Variants in RNF144A observed in about 807,000 individuals in gnomAD.
RNF144A encodes ring finger protein 144A.
A neutral mutation model predicts 38.7 loss-of-function variants in RNF144A; 11 were observed. The observed-to-expected ratio is 0.28, with a 90% CI of 0.18 to 0.47. The LOEUF is 0.47. Ranked by LOEUF, RNF144A falls within the 20% of genes least tolerant of loss-of-function variation. The pLI, the probability that RNF144A is intolerant of heterozygous loss-of-function variation, is 0.99. For synonymous variants in RNF144A, 149 were observed against 143.9 expected, an observed-to-expected ratio of 1.04 and a Z score of -0.25; for missense variants, 316 against 377.2, an observed-to-expected ratio of 0.84 and a Z score of 1.34.
rs190683349 is a variant in RNF144A, at chr2:6,974,051, T to G, written c.-11-22865T>G. 2.2e-4 allele frequency among the ~76,000 whole-genome samples: 32 copies of G among 144,622 alleles called. No individual in the cohort carries two copies. In the East Asian group the frequency reaches 5.4e-3, roughly 24 times the overall value. 94.9% of individuals were successfully genotyped at this position (144,622 alleles called of 152,430 possible). A position where few individuals can be genotyped will look rare whatever the true frequency, so the allele number is the denominator to read the frequency against. On this transcript the variant is annotated intron_variant, in intron 2 of 8. Coordinates refer to ENST00000320892, the MANE Select transcript of RNF144A (RefSeq NM_014746.6). ...AAGTGAGACTTCTGGAGGATCTAGA[T>G]TTTTAGGCTATGGCTCATGCTCATT... is the stretch of plus-strand genomic sequence containing the variant.
At chr2:7,069,208 C>T (rs1386139895), downstream of RNF144A, among the ~76,000 whole-genome samples, 1 of 152,196 alleles carries the variant, frequency 6.6e-6, no homozygotes, top group Non-Finnish European at 1.5e-5. Context: ...CTCTGGCCAC[C>T]CTCCCATTGC....
At chr2:6,923,202 A>G (rs1040658924) in intron 1 of RNF144A, among the ~76,000 whole-genome samples, 9 of 152,218 alleles carry the variant, frequency 5.9e-5, no homozygotes, top group African/African-American at 2.2e-4. Context: ...GGTGGTAGGA[A>G]GTGTTCCCTC....
chr2:6,985,815 C>T (rs577300860), intron 2 of RNF144A, among the ~76,000 whole-genome samples: 5 of 152,194 alleles, frequency 3.3e-5, no homozygotes, highest in East Asian at 3.9e-4. Context: ...TGGGACTGCA[C>T]GTGCGCACCA....
Position 7,040,147 on chromosome 2 carries a change from A to G in RNF144A, c.*387A>G, listed in dbSNP as rs1672959083. The G allele has an allele frequency of 3.0e-6, 3 of 999,628 alleles. No homozygotes were observed. The highest frequency in any genetic ancestry group is 3.6e-6 in the Non-Finnish European group (3 of 839,692). 61.9% of individuals were successfully genotyped at this position (999,628 alleles called of 1,614,324 possible). A position where few individuals can be genotyped will look rare whatever the true frequency, so the allele number is the denominator to read the frequency against. On this transcript the variant is annotated 3_prime_UTR_variant, in exon 9 of 9. Coordinates refer to ENST00000320892, the MANE Select transcript of RNF144A (RefSeq NM_014746.6). ...TCAGAGAAGTCTTTTAAGGACTGCC[A>G]CTCTCTTCAGACAGAATCTGATTAT...
rs534565651 is a variant in RNF144A at position 6,930,766 on chromosome 2, A to AT, written c.-211-10174dup. Among the ~76,000 whole-genome samples the AT allele has an allele frequency of 3.7e-3, 556 of 151,304 alleles. 6 individuals carry two copies. The highest frequency in any genetic ancestry group is 0.013 in the African/African-American group (540 of 41,226). ...GCCACCACACCCAGCAAATTTTTAT[A>AT]TTTTTTTTGTAGAGGGGGGGATTTG... On this transcript the variant is annotated intron_variant, in intron 1 of 8. Coordinates refer to ENST00000320892, the MANE Select transcript of RNF144A (RefSeq NM_014746.6).
chr2:6,984,116 C>T (rs551380190), intron 2 of RNF144A, among the ~76,000 whole-genome samples: 1 of 152,254 alleles, frequency 6.6e-6, no homozygotes, highest in African/African-American at 2.4e-5. Flanking sequence ...CCAGCTCCCT[C>T]TCCCTGCCTC....
At chr2:6,988,445 G>T (rs1669093928) in intron 2 of RNF144A, among the ~76,000 whole-genome samples, 1 of 152,214 alleles carries the variant, frequency 6.6e-6, no homozygotes, top group Admixed American at 6.5e-5. Flanking sequence ...TTCCACTGAA[G>T]ACTTTGACAG....
intron 2 of RNF144A, among the ~76,000 whole-genome samples, chr2:6,981,348 A>G (rs1302014453): frequency 6.6e-6 from 1 of 152,064 alleles, no homozygotes; most frequent in African/African-American, 2.4e-5. Flanking sequence ...TTTTTTTAAA[A>G]CATAAGTTTC....
chr2:6,975,944 G>A (rs1668285948), intron 2 of RNF144A, among the ~76,000 whole-genome samples: 1 of 152,234 alleles, frequency 6.6e-6, no homozygotes, highest in Non-Finnish European at 1.5e-5. Flanking sequence ...AACACATTTT[G>A]CAGATCTTTC....
In RNF144A at chr2:6,941,465, G is replaced by A. The variant is rs1383005182; in HGVS notation, c.-12+318G>A. On this transcript the variant is annotated intron_variant, in intron 2 of 8. Coordinates refer to ENST00000320892, the MANE Select transcript of RNF144A (RefSeq NM_014746.6). The surrounding 1 kb of genome is among the most constrained non-coding windows in gnomAD (Gnocchi z 6.5). ...ATTCACTAGAGAACACGTGGATTGA[G>A]CTCCTGCGTGTGCCAGGCACAGCTC... Among the ~76,000 whole-genome samples, 2 of 152,244 alleles carry A rather than the reference G, an allele frequency of 1.3e-5. No individual in the cohort carries two copies. The highest frequency in any genetic ancestry group is 2.9e-5 in the Non-Finnish European group (2 of 68,034).
intron 2 of RNF144A, among the ~76,000 whole-genome samples, chr2:6,950,207 C>T (rs1344611273): frequency 6.6e-6 from 1 of 152,170 alleles, no homozygotes; most frequent in Non-Finnish European, 1.5e-5. Flanking sequence ...CCTGGCATCC[C>T]ACCTTTCCCC....
chr2:6,949,729 C>A (rs1006105379), intron 2 of RNF144A, among the ~76,000 whole-genome samples: 1 of 152,096 alleles, frequency 6.6e-6, no homozygotes, highest in East Asian at 1.9e-4. Context: ...ATTGGATTTT[C>A]GGAATTCATT....
At position 6,962,815 on chromosome 2, in the gene RNF144A, T is replaced by C. The variant is rs1324216313; in HGVS notation, c.-12+21668T>C. On this transcript the variant is annotated intron_variant, in intron 2 of 8. Transcript: ENST00000320892. The surrounding 1 kb of genome is among the most constrained non-coding windows in gnomAD (Gnocchi z 4.1). ...AGCACAGGCATTCATGCACAGAAGG[T>C]CCTCAGTTAATGACTGGCCCAGCCT... 6.6e-6 allele frequency among the ~76,000 whole-genome samples: 1 copy of C among 152,196 alleles called. No homozygotes were observed. Among genetic ancestry groups the C allele is most frequent in the Non-Finnish European group, 1.5e-5 (1 of 68,040 alleles).
At chr2:7,039,480 CTAGATGGGTAGATGGA>C in intron 8 of RNF144A, 133 bp from the exon 9 acceptor site, 2 of 1,367,018 alleles carry the variant, frequency 1.5e-6, no homozygotes, top group Non-Finnish European at 2.0e-6. Flanking sequence ...TAGATGATGA[CTAGATGGGTAGATGGA>C]TGGATGGATA....
intron 1 of RNF144A, among the ~76,000 whole-genome samples, chr2:6,929,204 C>A (rs1409434039): frequency 6.6e-6 from 1 of 152,082 alleles, no homozygotes. Context: ...TTGTATTTAA[C>A]CTGATGTGAG....
chr2:6,974,964 G>A (rs373429447), intron 2 of RNF144A, among the ~76,000 whole-genome samples: 22 of 152,054 alleles, frequency 1.4e-4, no homozygotes, highest in South Asian at 6.2e-4. Context: ...GGTTATAACC[G>A]GAAAAGAAGT....
rs535500628 is a variant in RNF144A at position 7,036,910 on chromosome 2, G to A, written c.748-2719G>A. 7.2e-5 allele frequency among the ~76,000 whole-genome samples: 11 copies of A among 152,256 alleles called. No homozygotes were observed. In the South Asian group the frequency reaches 1.0e-3, roughly 14 times the overall value. ...TCGGACATTGATTATGAGAGGTGCC[G>A]GGCTGTGCATGGGAACTTAGAATGG... On this transcript the variant is annotated intron_variant, in intron 8 of 8. Coordinates refer to ENST00000320892, the MANE Select transcript of RNF144A (RefSeq NM_014746.6).
intron 8 of RNF144A, among the ~76,000 whole-genome samples, chr2:7,032,878 T>C (rs1012003034): frequency 2.0e-5 from 3 of 152,242 alleles, no homozygotes; most frequent in African/African-American, 7.2e-5. Context: ...CCACGCAGCA[T>C]AGAAACTGCC....
chr2:6,923,799 A>T (rs7573010), intron 1 of RNF144A, among the ~76,000 whole-genome samples: 120,044 of 148,704 alleles, frequency 0.81, 49,201 homozygotes, highest in Non-Finnish European at 0.91. Flanking sequence ...TAGCAACTTT[A>T]TTTTTTTTTT....
Sources: allele counts gnomAD v4.1 joint callset (sites outside exome capture counted in the v4.1 genomes callset), GRCh38; gene constraint gnomAD v4.1.1; non-coding constraint Gnocchi (gnomAD v3.1); transcripts MANE v1.5; gene names NCBI Gene and HGNC (gene_info 2026-07-23, HGNC 2026-07-21).